PEX5L: variants seen among roughly 807,000 people sequenced by gnomAD.
PEX5L encodes PEX5-related protein.
A neutral mutation model predicts 84.0 loss-of-function variants in PEX5L; 30 were observed. The ratio of observed to expected loss-of-function variants is 0.36; its 90% CI spans 0.27 to 0.48. The LOEUF is 0.48. PEX5L is among the 20% of genes least tolerant of loss of function. The pLI is 0.99. For missense variants in PEX5L, 533 were observed against 754.6 expected, an observed-to-expected ratio of 0.71 and a Z score of 3.44; for synonymous variants, 270 against 283.1, an observed-to-expected ratio of 0.95 and a Z score of 0.46.
chr3:179,825,609 A>AG (rs1479483414), intron 8 of PEX5L, among the ~76,000 whole-genome samples: 2 of 151,752 alleles, frequency 1.3e-5, no homozygotes, highest in African/African-American at 4.8e-5. Flanking sequence ...TGCTGGAAAA[A>AG]AAAAGGAGTT....
At chr3:179,988,415 T>TAAATAAATAAATA (rs1426208086) in intron 1 of PEX5L, among the ~76,000 whole-genome samples, 5 of 150,664 alleles carry the variant, frequency 3.3e-5, no homozygotes, top group African/African-American at 1.2e-4. Flanking sequence ...AATAAATAAA[T>TAAATAAATAAATA]AAATAAAATA....
chr3:179,872,235 G>A (rs1055066668), intron 7 of PEX5L, among the ~76,000 whole-genome samples: 2 of 152,044 alleles, frequency 1.3e-5, no homozygotes, highest in Non-Finnish European at 2.9e-5. Context: ...GATTGATCAG[G>A]TTATTCTCTT....
intron 2 of PEX5L, among the ~76,000 whole-genome samples, chr3:179,907,596 G>C (rs142492762): frequency 1.3e-5 from 2 of 152,258 alleles, no homozygotes; most frequent in African/African-American, 4.8e-5. Flanking sequence ...TTACAGGCAT[G>C]AGCCATCATG....
At chr3:179,863,623 A>G (rs1032496296) in intron 7 of PEX5L, among the ~76,000 whole-genome samples, 1 of 152,156 alleles carries the variant, frequency 6.6e-6, no homozygotes, top group Non-Finnish European at 1.5e-5. Context: ...AGTTAAAACC[A>G]CAGTGAGATA....
intron 8 of PEX5L, among the ~76,000 whole-genome samples, chr3:179,847,967 G>GTA (rs981208920): frequency 7.0e-6 from 1 of 142,590 alleles, no homozygotes. Context: ...CAACGTTTGG[G>GTA]TATTTTTTTT....
At chr3:179,880,242 G>C (rs549056803) in intron 4 of PEX5L, 119 bp from the exon 5 acceptor site, 1 of 570,530 alleles carries the variant, frequency 1.8e-6, no homozygotes, top group African/African-American at 1.9e-5. Context: ...ATAAAATTAC[G>C]TTAGCTCATC....
intron 2 of PEX5L, among the ~76,000 whole-genome samples, chr3:179,949,743 G>A (rs1444533672): frequency 6.6e-6 from 1 of 152,186 alleles, no homozygotes; most frequent in Non-Finnish European, 1.5e-5. Context: ...TGACAAGCAG[G>A]TGAAGTCTGA....
intron 1 of PEX5L, among the ~76,000 whole-genome samples, chr3:180,000,626 T>C (rs148234347): frequency 2.1e-3 from 314 of 151,728 alleles, no homozygotes; most frequent in African/African-American, 6.9e-3. Context: ...GTAATTGACA[T>C]ATTTCCTCCT....
chr3:179,957,766 C>A (rs9825224), intron 2 of PEX5L, among the ~76,000 whole-genome samples: 109,441 of 152,112 alleles, frequency 0.72, 39,598 homozygotes, highest in East Asian at 0.94. Context: ...ATTTATCATA[C>A]GTAGCACCTC....
At chr3:179,826,554 A>G (rs1302036313) in intron 8 of PEX5L, among the ~76,000 whole-genome samples, 1 of 152,140 alleles carries the variant, frequency 6.6e-6, no homozygotes, top group East Asian at 1.9e-4. Flanking sequence ...TATTGCAGCA[A>G]GTAGGGGCTG....
chr3:179,882,799 C>A (rs1398573763), intron 4 of PEX5L, among the ~76,000 whole-genome samples: 1 of 152,102 alleles, frequency 6.6e-6, no homozygotes, highest in East Asian at 1.9e-4. Flanking sequence ...ATTAAGAGCA[C>A]CAACCGGTGA....
intron 1 of PEX5L, among the ~76,000 whole-genome samples, chr3:180,024,347 A>AATATATAT (rs148495757): frequency 0.019 from 2,058 of 107,514 alleles, 76 homozygotes; most frequent in Non-Finnish European, 0.025. Context: ...GTCCCTACTA[A>AATATATAT]ATATATATAT....
chr3:179,949,304 A>G (rs1778448325), intron 2 of PEX5L, among the ~76,000 whole-genome samples: 1 of 152,180 alleles, frequency 6.6e-6, no homozygotes, highest in South Asian at 2.1e-4. Flanking sequence ...GTTTCCTTAG[A>G]GCCCTTTTTG....
At chr3:180,031,365 G>A (rs1217516918) in intron 1 of PEX5L, among the ~76,000 whole-genome samples, 1 of 152,138 alleles carries the variant, frequency 6.6e-6, no homozygotes, top group African/African-American at 2.4e-5. Context: ...AGTGGATGAG[G>A]TGGGGGGTAA....
chr3:179,972,344 T>C (rs79033980), intron 1 of PEX5L, among the ~76,000 whole-genome samples: 4,263 of 152,164 alleles, frequency 0.028, 220 homozygotes, highest in African/African-American at 0.098. Flanking sequence ...TCTCCATCTA[T>C]TTCCTCCATT....
In PEX5L at chr3:179,930,372, T is replaced by C. The variant is rs142261016; in HGVS notation, c.94-32126A>G. Among the ~76,000 whole-genome samples the C allele has an allele frequency of 3.7e-4, 57 of 152,336 alleles. No homozygotes were observed. In the East Asian group the frequency reaches 9.6e-3, roughly 26 times the overall value. On this transcript the variant is annotated intron_variant, in intron 2 of 14. Transcript: ENST00000467460. ...TCCTGTTATATATGGAATAACTTCC[T>C]AGTAGCAAAATTCCAACTTCCTGGG...
chr3:180,012,654 TAAC>T (rs1789589650), intron 1 of PEX5L, among the ~76,000 whole-genome samples: 2 of 151,972 alleles, frequency 1.3e-5, no homozygotes, highest in African/African-American at 4.8e-5. Context: ...AGGATTTCAA[TAAC>T]AACAAGAAAA....
At chr3:180,031,276 A>G (rs1326911789) in intron 1 of PEX5L, among the ~76,000 whole-genome samples, 1 of 152,074 alleles carries the variant, frequency 6.6e-6, no homozygotes, top group Non-Finnish European at 1.5e-5. Context: ...AGCTATAATA[A>G]TTTTTCTGAG....
chr3:180,016,722 C>G (rs543237222), intron 1 of PEX5L, among the ~76,000 whole-genome samples: 1 of 152,136 alleles, frequency 6.6e-6, no homozygotes, highest in South Asian at 2.1e-4. Flanking sequence ...GATTTTATTA[C>G]CTTTCTGATG....
Sources: allele counts gnomAD v4.1 joint callset (sites outside exome capture counted in the v4.1 genomes callset), GRCh38; gene constraint gnomAD v4.1.1; transcripts MANE v1.5; gene names NCBI Gene and HGNC (gene_info 2026-07-23, HGNC 2026-07-21).